NTM: variants seen among roughly 807,000 people sequenced by gnomAD.
NTM encodes IgLON family member 2.
In NTM, 13 loss-of-function variants were observed where a neutral mutation model predicts 42.1. The ratio of observed to expected loss-of-function variants is 0.31; its 90% CI spans 0.20 to 0.49. The LOEUF (loss-of-function observed/expected upper bound fraction) is 0.49. NTM is among the 20% of genes least tolerant of loss of function. The pLI, the probability that NTM is intolerant of heterozygous loss-of-function variation, is 0.99. For missense variants in NTM, 373 were observed against 452.8 expected (o/e 0.82, Z 1.60); for synonymous variants, 187 against 179.2 (o/e 1.04, Z -0.35).
intron 1 of NTM, among the ~76,000 whole-genome samples, chr11:131,739,142 G>A (rs984389773): frequency 9.9e-5 from 15 of 151,170 alleles, no homozygotes; most frequent in African/African-American, 3.2e-4. Context: ...GAGGAAAAGT[G>A]TTACCCTCTA....
intron 1 of NTM, among the ~76,000 whole-genome samples, chr11:131,902,125 A>G (rs551701791): frequency 6.6e-6 from 1 of 152,260 alleles, no homozygotes; most frequent in African/African-American, 2.4e-5. Flanking sequence ...ATTCACAAGC[A>G]TACAGAAATG....
intron 1 of NTM, among the ~76,000 whole-genome samples, chr11:131,515,599 T>C (rs1466191983): frequency 1.3e-5 from 2 of 152,198 alleles, no homozygotes; most frequent in Non-Finnish European, 2.9e-5. Flanking sequence ...ATTGTAAAGA[T>C]CGTTTTCTGC....
At position 131,491,206 on chromosome 11, in the gene NTM, C is replaced by T. The variant is rs1357670484; in HGVS notation, c.82+120318C>T. 3.9e-5 allele frequency among the ~76,000 whole-genome samples: 6 copies of T among 152,196 alleles called. No homozygotes were observed. In the East Asian group the frequency reaches 9.7e-4, roughly 25 times the overall value. On this transcript the variant is annotated intron_variant, in intron 1 of 8. Coordinates refer to ENST00000683400, the MANE Select transcript of NTM (RefSeq NM_001352005.2). ...GCTGAAAGAAACTGTCTTGAGCTAT[C>T]AATTTAAAAAAATCAGTCAACTATG...
At chr11:132,156,598 G>A (rs192438793) in intron 3 of NTM, among the ~76,000 whole-genome samples, 55 of 152,314 alleles carry the variant, frequency 3.6e-4, no homozygotes, top group African/African-American at 1.3e-3. Flanking sequence ...CCAGTGCCTG[G>A]AATTTAATAG....
chr11:132,105,069 C>T (rs1344715405), intron 2 of NTM, among the ~76,000 whole-genome samples: 1 of 147,334 alleles, frequency 6.8e-6, no homozygotes, highest in Non-Finnish European at 1.5e-5. Flanking sequence ...TTCACAATGT[C>T]CTCCTTCTTT....
intron 1 of NTM, among the ~76,000 whole-genome samples, chr11:131,798,736 A>G (rs1465777575): frequency 6.6e-6 from 1 of 152,190 alleles, no homozygotes. Context: ...CTGCAACTCT[A>G]TTGATTCAGA....
At chr11:131,409,934 T>C (rs779165310) in intron 1 of NTM, among the ~76,000 whole-genome samples, 26 of 152,110 alleles carry the variant, frequency 1.7e-4, no homozygotes, top group Non-Finnish European at 2.8e-4. Flanking sequence ...GCACAGCATC[T>C]CAGCAATTAA....
intron 3 of NTM, among the ~76,000 whole-genome samples, chr11:132,177,821 A>G (rs781002666): frequency 6.6e-6 from 1 of 152,230 alleles, no homozygotes; most frequent in Non-Finnish European, 1.5e-5. Context: ...TGACTAATGC[A>G]CTCATCCTGA....
At chr11:132,285,890 T>C (rs1041117624) in intron 4 of NTM, among the ~76,000 whole-genome samples, 9 of 152,164 alleles carry the variant, frequency 5.9e-5, no homozygotes, top group African/African-American at 2.2e-4. Context: ...TAGATGGGAA[T>C]CTTGCTAATG....
At chr11:131,665,369 A>G (rs1028320481) in intron 1 of NTM, among the ~76,000 whole-genome samples, 1 of 152,240 alleles carries the variant, frequency 6.6e-6, no homozygotes, top group Non-Finnish European at 1.5e-5. Context: ...GGTCACTGTT[A>G]TGAGCTGAAC....
At chr11:132,072,148 C>T (rs368415913) in intron 2 of NTM, among the ~76,000 whole-genome samples, 1 of 152,204 alleles carries the variant, frequency 6.6e-6, no homozygotes, top group African/African-American at 2.4e-5. Flanking sequence ...AATGAGCCAA[C>T]CCCAGCCCTT....
chr11:131,929,506 C>CG (rs764959612), intron 2 of NTM, among the ~76,000 whole-genome samples: 9 of 140,316 alleles, frequency 6.4e-5, no homozygotes, highest in Admixed American at 2.9e-4. Flanking sequence ...AAAAACTTTC[C>CG]GTTTTTTTTG....
chr11:132,125,347 TTGTGTAG>T (rs2065518599), intron 2 of NTM, among the ~76,000 whole-genome samples: 2 of 128,170 alleles, frequency 1.6e-5, no homozygotes, highest in Admixed American at 8.7e-5. Context: ...TGGTATGTGA[TTGTGTAG>T]TGTGTAGTGT....
intron 2 of NTM, chr11:131,921,997 G>T (rs184938608): frequency 6.6e-6 from 1 of 152,666 alleles, no homozygotes. Context: ...TGGACTTAAT[G>T]ATCTGTCACC....
intron 4 of NTM, among the ~76,000 whole-genome samples, chr11:132,287,596 T>TA (rs2094295408): frequency 6.6e-6 from 1 of 152,194 alleles, no homozygotes; most frequent in South Asian, 2.1e-4. Context: ...GAACAGCCTC[T>TA]AAAAAATACA....
At chr11:132,097,831 G>A (rs184959047) in intron 2 of NTM, among the ~76,000 whole-genome samples, 1 of 152,196 alleles carries the variant, frequency 6.6e-6, no homozygotes, top group Non-Finnish European at 1.5e-5. Context: ...GAGGGAAAAG[G>A]GTTCCGGCAT....
intron 1 of NTM, among the ~76,000 whole-genome samples, chr11:131,492,963 G>GT (rs1954953938): frequency 6.6e-6 from 1 of 152,096 alleles, no homozygotes; most frequent in African/African-American, 2.4e-5. Flanking sequence ...CATGCCTGTA[G>GT]TCCTAGCACT....
At chr11:131,484,247 C>T (rs994585129) in intron 1 of NTM, among the ~76,000 whole-genome samples, 1 of 152,068 alleles carries the variant, frequency 6.6e-6, no homozygotes, top group Non-Finnish European at 1.5e-5. Flanking sequence ...CTGAATTCCT[C>T]TTATTGGTAA....
intron 1 of NTM, among the ~76,000 whole-genome samples, chr11:131,414,724 C>G (rs1591602157): frequency 1.3e-5 from 2 of 152,198 alleles, no homozygotes; most frequent in Non-Finnish European, 2.9e-5. Context: ...ATTGGTTCCT[C>G]ATTCCTTCTT....
Sources: gnomAD v4.1 joint callset for allele counts (sites outside exome capture counted in the v4.1 genomes callset) on GRCh38, gnomAD v4.1.1 for gene constraint, MANE v1.5 for transcripts, NCBI Gene and HGNC (gene_info 2026-07-23, HGNC 2026-07-21) for gene names.